Variants in ZDHHC16 observed in about 807,000 individuals in gnomAD.
The protein encoded by ZDHHC16 is palmitoyltransferase ZDHHC16.
In ZDHHC16, 33 loss-of-function variants were observed where a neutral mutation model predicts 54.4. That is an observed-to-expected ratio of 0.61 (90% CI 0.46 to 0.81). The LOEUF is 0.81. Among genes scored for constraint, ZDHHC16 ranks in the 30% least tolerant of loss-of-function variants. The pLI is 0.00. For missense variants in ZDHHC16, 420 were observed against 485.9 expected (o/e 0.86, Z 1.28); for synonymous variants, 185 against 182.1 (o/e 1.02, Z -0.13).
Position 97,453,866 on chromosome 10 carries a change from C to T in ZDHHC16, c.738+20C>T, listed in dbSNP as rs764028492. 1.2e-6 allele frequency: 2 copies of T among 1,613,942 alleles called. No individual in the cohort carries two copies. Among genetic ancestry groups the T allele is most frequent in the Admixed American group, 1.7e-5 (1 of 60,008 alleles). Reference sequence around the variant, plus strand: ...AACCAGGTGGGCTGTCCCCACCCCACTGCCTCCTGCTGCTCAGGCCTGGGG... The same window carrying T: ...AACCAGGTGGGCTGTCCCCACCCCATTGCCTCCTGCTGCTCAGGCCTGGGG... On this transcript the variant is annotated intron_variant, in intron 8 of 11. Coordinates refer to ENST00000393760, the MANE Select transcript of ZDHHC16 (RefSeq NM_198046.3).
chr10:97,453,105 G>C (rs1361249784), intron 6 of ZDHHC16, among the ~76,000 whole-genome samples, 182 bp downstream of exon 6: 2 of 152,206 alleles, frequency 1.3e-5, no homozygotes, highest in Non-Finnish European at 2.9e-5. Context: ...TTGGAGCAGG[G>C]AATCTTTTAA....
In ZDHHC16 at chr10:97,453,849, G is replaced by A. The variant is rs1193500003; in HGVS notation, c.738+3G>A. ...AACTACAGGCGGTTGCCAACCAGGTGGGCTGTCCCCACCCCACTGCCTCCT... is the reference window on the plus strand; with the variant it reads ...AACTACAGGCGGTTGCCAACCAGGTAGGCTGTCCCCACCCCACTGCCTCCT... On this transcript the variant is annotated splice_donor_region_variant and intron_variant, in intron 8 of 11. Coordinates refer to ENST00000393760, the MANE Select transcript of ZDHHC16 (RefSeq NM_198046.3). The A allele has an allele frequency of 1.9e-6, 3 of 1,614,036 alleles. No homozygotes were observed. The highest frequency in any genetic ancestry group is 2.5e-6 in the Non-Finnish European group (3 of 1,180,058).
chr10:97,448,904 T>A (rs1279615366), intron 1 of ZDHHC16, among the ~76,000 whole-genome samples: 1 of 152,198 alleles, frequency 6.6e-6, no homozygotes, highest in Non-Finnish European at 1.5e-5. Context: ...TGAGCATCCA[T>A]GGATTTTGGT....
At chr10:97,446,882 C>T (rs1846104163) in intron 1 of ZDHHC16, among the ~76,000 whole-genome samples, 1 of 152,210 alleles carries the variant, frequency 6.6e-6, no homozygotes, top group Non-Finnish European at 1.5e-5. Flanking sequence ...CCACGCCCAG[C>T]TAATTTTTGT....
Position 97,451,974 on chromosome 10 carries a change from T to C in ZDHHC16, c.243+56T>C, listed in dbSNP as rs202146309. ...GTGTTGTGGGGAGCAGAGGGACATG[T>C]CTCTCACAGACCCAACCCAGGTTTT... On this transcript the variant is annotated intron_variant, in intron 3 of 11. Transcript: ENST00000393760. The C allele has an allele frequency of 2.5e-3, 4,046 of 1,591,004 alleles. 10 individuals carry two copies. The highest frequency in any genetic ancestry group is 2.9e-3 in the Non-Finnish European group (3,347 of 1,167,258).
chr10:97,454,723 C>A lies in ZDHHC16; in HGVS notation c.748C>A (p.Gln250Lys). Residue 250 changes from glutamine to lysine, a missense_variant, in exon 9 of 12, where the codon CAG becomes AAG. By Grantham distance (53) the Gln-to-Lys change is moderately conservative. Transcript: ENST00000393760. ...TGTTTTCTTTTTCTAGACTTATCACCAGACCCCACCACCCACCTTCTCCTT... is the reference window on the plus strand; with the variant it reads ...TGTTTTCTTTTTCTAGACTTATCACAAGACCCCACCACCCACCTTCTCCTT... ...LQAVANQTYH[Q>K]TPPPTFSFRE... The A allele has an allele frequency of 6.2e-7, 1 of 1,614,168 alleles. No individual in the cohort carries two copies. The highest frequency in any genetic ancestry group is 8.5e-7 in the Non-Finnish European group (1 of 1,180,018).
At chr10:97,453,491 A>ATTG in intron 6 of ZDHHC16, 39 bp from the exon 7 acceptor site, 3 of 1,605,710 alleles carry the variant, frequency 1.9e-6, no homozygotes, top group Non-Finnish European at 2.6e-6. Flanking sequence ...ACCGCCTGAA[A>ATTG]TTGTGTTTGA....
intron 10 of ZDHHC16, 58 bp downstream of exon 10, chr10:97,455,841 A>C: frequency 6.2e-7 from 1 of 1,606,060 alleles, no homozygotes; most frequent in Non-Finnish European, 8.5e-7. Context: ...GCTCTCCTGT[A>C]AACAGAGGCC....
intron 1 of ZDHHC16, among the ~76,000 whole-genome samples, chr10:97,449,515 G>A (rs1320596618): frequency 1.3e-5 from 2 of 152,080 alleles, no homozygotes; most frequent in Non-Finnish European, 2.9e-5. Context: ...CAATAGGGGT[G>A]GAAGTTTGAG....
In ZDHHC16 at chr10:97,452,194, C is replaced by T. The variant is rs1325457336; in HGVS notation, c.348C>T (p.Cys116=). The T allele has an allele frequency of 2.5e-6, 4 of 1,614,014 alleles. No homozygotes were observed. The East Asian group carries it at 8.9e-5, about 36-fold the overall frequency. The change falls in exon 4 of 12, where the codon TGC becomes TGT. Residue 116 remains cysteine, a synonymous_variant. Coordinates refer to ENST00000393760, the MANE Select transcript of ZDHHC16 (RefSeq NM_198046.3). ...GAACCTACTCAGTGCCACGACTCTG[C>T]TGGCATTTCTTCTATAGCCACTGGA... ...ILRTYSVPRL[C]WHFFYSHWNL...
Position 97,452,917 on chromosome 10 carries a change from C to G in ZDHHC16, c.550C>G (p.His184Asp). The G allele has an allele frequency of 6.2e-7, 1 of 1,614,186 alleles. No homozygotes were observed. The highest frequency in any genetic ancestry group is 1.1e-5 in the South Asian group (1 of 91,078). The change falls in exon 6 of 12, where the codon CAC (histidine) becomes GAC (aspartate). Residue 184 changes from histidine to aspartate, a missense_variant. Physicochemically the swap from His to Asp is moderately conservative, Grantham distance 81 (BLOSUM62 -1). Transcript: ENST00000393760. ...CAGGTGTGTGCTGAAGATGGATCAC[C>G]ACTGCCGTATCCTTTTGCTTTCTCT... is the stretch of plus-strand genomic sequence containing the variant. ...CNRCVLKMDH[H>D]CPWLNNCVGH...
At chr10:97,456,193 C>A (rs891162657) in intron 11 of ZDHHC16, 149 bp downstream of exon 11, 2 of 843,354 alleles carry the variant, frequency 2.4e-6, no homozygotes, top group Non-Finnish European at 3.6e-6. Flanking sequence ...TCCATTTGAA[C>A]CAGAAAGGCT....
intron 1 of ZDHHC16, among the ~76,000 whole-genome samples, chr10:97,449,861 C>T (rs867551285): frequency 3.8e-4 from 31 of 81,502 alleles, no homozygotes; most frequent in African/African-American, 5.3e-4. Flanking sequence ...CCCCTTAATT[C>T]TTTTTTTTTT....
At chr10:97,455,027 C>T (rs925909784) in intron 9 of ZDHHC16, among the ~76,000 whole-genome samples, 1 of 152,136 alleles carries the variant, frequency 6.6e-6, no homozygotes, top group East Asian at 1.9e-4. Flanking sequence ...GATATGTAAC[C>T]AAAGTAAGTT....
chr10:97,449,904 G>A (rs1197519842), intron 1 of ZDHHC16, among the ~76,000 whole-genome samples: 2 of 105,564 alleles, frequency 1.9e-5, no homozygotes, highest in Non-Finnish European at 3.4e-5. Context: ...TCGCTCTGTC[G>A]CCCAGGCCGG....
intron 10 of ZDHHC16, 37 bp downstream of exon 10, chr10:97,455,820 T>C: frequency 6.2e-7 from 1 of 1,608,202 alleles, no homozygotes; most frequent in Non-Finnish European, 8.5e-7. Context: ...GGTAGGTGGG[T>C]AACTGAACTT....
At chr10:97,453,052 TC>T in intron 6 of ZDHHC16, 129 bp downstream of exon 6, 1 of 1,206,026 alleles carries the variant, frequency 8.3e-7, no homozygotes. Flanking sequence ...GGCCTGACCA[TC>T]TCCTGGGAGA....
rs768554688 is a variant in ZDHHC16 at position 97,452,880 on chromosome 10, G to A, written c.528-15G>A. 1.1e-5 allele frequency: 17 copies of A among 1,614,094 alleles called. No individual in the cohort carries two copies. Among genetic ancestry groups the A allele is most frequent in the Non-Finnish European group, 1.4e-5 (17 of 1,180,040 alleles). On this transcript the variant is annotated splice_polypyrimidine_tract_variant and intron_variant, in intron 5 of 11. Transcript: ENST00000393760. ...CTTTGGCCACCGTAACAGAGCCTGTGTCCCTTCCTCACAGGTGTGTGCTGA... is the reference window on the plus strand; with the variant it reads ...CTTTGGCCACCGTAACAGAGCCTGTATCCCTTCCTCACAGGTGTGTGCTGA...
At chr10:97,447,674 C>T (rs1589485778) in intron 1 of ZDHHC16, among the ~76,000 whole-genome samples, 2 of 152,180 alleles carry the variant, frequency 1.3e-5, no homozygotes, top group South Asian at 2.1e-4. Context: ...GCAATCCCAG[C>T]ACTTTGGGAG....
Sources: allele counts gnomAD v4.1 joint callset (sites outside exome capture counted in the v4.1 genomes callset), GRCh38; gene constraint gnomAD v4.1.1; transcripts MANE v1.5; gene names NCBI Gene and HGNC (gene_info 2026-07-23, HGNC 2026-07-21).